SNTB1: variants seen among roughly 807,000 people sequenced by gnomAD.
The protein encoded by SNTB1 is beta-1-syntrophin.
A neutral mutation model predicts 48.9 loss-of-function variants in SNTB1; 36 were observed. The observed-to-expected ratio is 0.74, with a 90% CI of 0.56 to 0.97. The LOEUF (loss-of-function observed/expected upper bound fraction) is 0.97, where lower values mean the gene tolerates loss of function less well. Ranked by LOEUF, SNTB1 falls within the 50% of genes least tolerant of loss-of-function variation. The probability of loss-of-function intolerance (pLI) is 0.00; values close to 1 mark genes in which losing one functional copy is unlikely to be tolerated. For synonymous variants in SNTB1, 299 were observed against 294.6 expected, an observed-to-expected ratio of 1.01 and a Z score of -0.15; for missense variants, 786 against 703.4, an observed-to-expected ratio of 1.12 and a Z score of -1.33.
In SNTB1 at chr8:120,739,237, C is replaced by T. The variant is rs1046146177; in HGVS notation, c.572-45329G>A. ...TATACTCAATTTACCTAGACCCCTC[C>T]TATCAATCAGCAAACCTTCCTCAGG... On this transcript the variant is annotated intron_variant, in intron 1 of 6. Coordinates refer to ENST00000517992, the MANE Select transcript of SNTB1 (RefSeq NM_021021.4). Among the ~76,000 whole-genome samples, 10 of 152,308 alleles carry T rather than the reference C, an allele frequency of 6.6e-5. No homozygotes were observed. The South Asian group carries it at 1.2e-3, about 19-fold the overall frequency.
chr8:120,590,653 ATAGGTTTCTTTCTTTT>A (rs1269816308), intron 3 of SNTB1, among the ~76,000 whole-genome samples: 9 of 149,252 alleles, frequency 6.0e-5, no homozygotes, highest in African/African-American at 2.2e-4. Flanking sequence ...TGTGTTCATT[ATAGGTTTCTTTCTTTT>A]GTTTTCTTTT....
intron 3 of SNTB1, among the ~76,000 whole-genome samples, chr8:120,621,014 C>T (rs1816786591): frequency 6.6e-6 from 1 of 151,758 alleles, no homozygotes. Flanking sequence ...GGCTGGAGTA[C>T]AGTGGTGCAG....
chr8:120,636,935 G>T (rs113913505), intron 2 of SNTB1: 247 of 266,566 alleles, frequency 9.3e-4, no homozygotes, highest in African/African-American at 5.2e-3. Flanking sequence ...AGATCTCATT[G>T]CAAATTTTCA....
chr8:120,795,769 C>A (rs1820110725), intron 1 of SNTB1, among the ~76,000 whole-genome samples: 1 of 151,966 alleles, frequency 6.6e-6, no homozygotes, highest in Non-Finnish European at 1.5e-5. Context: ...GAGGGAGACT[C>A]TTCTGTGCCT....
chr8:120,811,726 T>C lies in SNTB1; in HGVS notation c.118A>G (p.Asn40Asp). Residue 40 changes from asparagine (N) to aspartate (D), a missense_variant, in exon 1 of 7, where the codon AAC becomes GAC. Asn to Asp is a conservative substitution (Grantham distance 23, BLOSUM62 1). Transcript: ENST00000517992. Reference sequence around the variant, plus strand: ...AGAACCAGGGCGTCCTCGCTCAAGTTCACCAGAACTTTGTGCCAGCGATCC... The same window carrying C: ...AGAACCAGGGCGTCCTCGCTCAAGTCCACCAGAACTTTGTGCCAGCGATCC... The part of the protein sequence containing the change: ...VRDRWHKVLV[N>D]LSEDALVLSS... 6.4e-7 allele frequency: 1 copy of C among 1,564,974 alleles called. No homozygotes were observed. Among genetic ancestry groups the C allele is most frequent in the South Asian group, 1.2e-5 (1 of 85,608 alleles).
chr8:120,755,976 G>A (rs1819311731), intron 1 of SNTB1, among the ~76,000 whole-genome samples: 1 of 152,102 alleles, frequency 6.6e-6, no homozygotes, highest in Non-Finnish European at 1.5e-5. Context: ...TTCAAACCAA[G>A]GTCAATACAG....
chr8:120,685,376 C>T (rs1179301573), intron 2 of SNTB1, among the ~76,000 whole-genome samples: 1 of 152,236 alleles, frequency 6.6e-6, no homozygotes, highest in Non-Finnish European at 1.5e-5. Flanking sequence ...GCCATGTCCT[C>T]ACTGCTTGTG....
At chr8:120,791,475 C>G (rs991657053) in intron 1 of SNTB1, among the ~76,000 whole-genome samples, 1 of 151,974 alleles carries the variant, frequency 6.6e-6, no homozygotes, top group Non-Finnish European at 1.5e-5. Context: ...TTCTGCACAG[C>G]AAAAGAAATA....
chr8:120,538,649 G>T lies in SNTB1; in HGVS notation c.*228C>A, dbSNP rs566812712. The T allele has an allele frequency of 1.7e-6, 1 of 603,336 alleles. No homozygotes were observed. Among genetic ancestry groups the T allele is most frequent in the South Asian group, 1.5e-5 (1 of 65,908 alleles). 37.4% of individuals were successfully genotyped at this position (603,336 alleles called of 1,614,324 possible). On this transcript the variant is annotated 3_prime_UTR_variant, in exon 7 of 7. Coordinates refer to ENST00000517992, the MANE Select transcript of SNTB1 (RefSeq NM_021021.4). ...CACCTCACCTCTTTAACCTTGTACT[G>T]TTCTAGAAAGTTTTACTCTGATATT...
chr8:120,803,939 C>T (rs1016394819), intron 1 of SNTB1, among the ~76,000 whole-genome samples: 2 of 152,112 alleles, frequency 1.3e-5, no homozygotes, highest in African/African-American at 4.8e-5. Flanking sequence ...AGGATAATTA[C>T]ACTACCTATA....
chr8:120,539,062 CCTT>C, intron 6 of SNTB1, 93 bp from the exon 7 acceptor site: 2 of 876,354 alleles, frequency 2.3e-6, no homozygotes, highest in Non-Finnish European at 1.7e-6. Context: ...ATATGCACTT[CCTT>C]CTTTTAAATG....
chr8:120,617,304 A>G (rs930757793), intron 3 of SNTB1, among the ~76,000 whole-genome samples: 1 of 152,140 alleles, frequency 6.6e-6, no homozygotes, highest in African/African-American at 2.4e-5. Flanking sequence ...TAATTTTGCT[A>G]TTATAACTCA....
chr8:120,722,896 A>G (rs1818689553), intron 1 of SNTB1, among the ~76,000 whole-genome samples: 1 of 152,152 alleles, frequency 6.6e-6, no homozygotes, highest in Non-Finnish European at 1.5e-5. Flanking sequence ...TAAGTCTTTA[A>G]TCCATCTTGA....
chr8:120,644,562 T>C (rs1004631854), intron 2 of SNTB1, among the ~76,000 whole-genome samples: 4 of 152,138 alleles, frequency 2.6e-5, no homozygotes, highest in African/African-American at 7.2e-5. Flanking sequence ...CAGTCTATCA[T>C]TGTTGGACAT....
intron 1 of SNTB1, among the ~76,000 whole-genome samples, chr8:120,801,237 G>A (rs1293695575): frequency 6.6e-6 from 1 of 151,926 alleles, no homozygotes; most frequent in Admixed American, 6.6e-5. Context: ...GAAATGCAAG[G>A]CCTCAAAGAA....
intron 3 of SNTB1, among the ~76,000 whole-genome samples, chr8:120,617,828 A>T (rs1008134232): frequency 6.6e-6 from 1 of 152,222 alleles, no homozygotes; most frequent in African/African-American, 2.4e-5. Flanking sequence ...ATTTGGACTA[A>T]GGGGGATGCC....
In SNTB1 at chr8:120,621,781, C is replaced by G. The variant is rs542370176; in HGVS notation, c.996+10663G>C. Among the ~76,000 whole-genome samples, 22 of 152,148 alleles carry G rather than the reference C, an allele frequency of 1.4e-4. No homozygotes were observed. In the South Asian group the frequency reaches 4.6e-3, roughly 32 times the overall value. On this transcript the variant is annotated intron_variant, in intron 3 of 6. Coordinates refer to ENST00000517992, the MANE Select transcript of SNTB1 (RefSeq NM_021021.4). ...CATCTTCTTTCTCCTTTCATGCACC[C>G]CCAGGTTTCACTCTTTCATTCTCTT...
chr8:120,788,871 C>G (rs35855379), intron 1 of SNTB1, among the ~76,000 whole-genome samples: 16,830 of 152,006 alleles, frequency 0.11, 1,305 homozygotes, highest in African/African-American at 0.22. Context: ...TGGACTTAAA[C>G]TGTACTCTAG....
intron 1 of SNTB1, among the ~76,000 whole-genome samples, chr8:120,757,954 A>T (rs1819346445): frequency 6.6e-6 from 1 of 152,208 alleles, no homozygotes; most frequent in South Asian, 2.1e-4. Flanking sequence ...AAAACTGGAA[A>T]GAAAAGTAGT....
Sources: allele counts gnomAD v4.1 joint callset (sites outside exome capture counted in the v4.1 genomes callset), GRCh38; gene constraint gnomAD v4.1.1; transcripts MANE v1.5; gene names NCBI Gene and HGNC (gene_info 2026-07-23, HGNC 2026-07-21).